GPR39: variants seen among roughly 807,000 people sequenced by gnomAD.
GPR39 encodes zinc sensing receptor.
In GPR39, 23 loss-of-function variants were observed where a neutral mutation model predicts 18.4. The observed-to-expected ratio is 1.25, with a 90% CI of 0.90 to 1.77. The LOEUF (loss-of-function observed/expected upper bound fraction) is 1.77, where lower values mean the gene tolerates loss of function less well. GPR39 is among the 40% of genes most tolerant of loss of function. The pLI is 0.00. For missense variants in GPR39, 647 were observed against 602.4 expected (o/e 1.07, Z -0.78); for synonymous variants, 280 against 257.9 (o/e 1.09, Z -0.82).
At chr2:132,464,233 T>A (rs1460797988) in intron 1 of GPR39, among the ~76,000 whole-genome samples, 1 of 152,212 alleles carries the variant, frequency 6.6e-6, no homozygotes, top group Non-Finnish European at 1.5e-5. Flanking sequence ...CTGGATTGAT[T>A]TACTTCCCCT....
Position 132,491,651 on chromosome 2 carries a change from G to A in GPR39, c.856+73753G>A, listed in dbSNP as rs1681462973. 2.0e-5 allele frequency among the ~76,000 whole-genome samples: 3 copies of A among 152,002 alleles called. No individual in the cohort carries two copies. The South Asian group carries it at 6.2e-4, about 32-fold the overall frequency. On this transcript the variant is annotated intron_variant, in intron 1 of 1. Transcript: ENST00000329321. ...CAAGATCAGATTTGAGTTTTAGATG[G>A]CACTGTGGGGAAGGGGTTAGGAATG... is the stretch of plus-strand genomic sequence containing the variant.
chr2:132,504,064 C>T (rs1452367846), intron 1 of GPR39, among the ~76,000 whole-genome samples: 1 of 152,178 alleles, frequency 6.6e-6, no homozygotes, highest in Non-Finnish European at 1.5e-5. Context: ...TTTGGCATCT[C>T]AGGGAGCCTG....
At chr2:132,449,868 C>T (rs546777941) in intron 1 of GPR39, among the ~76,000 whole-genome samples, 7 of 152,134 alleles carry the variant, frequency 4.6e-5, no homozygotes, top group Admixed American at 2.0e-4. Context: ...CTTCTCTCCC[C>T]CTTCCTTGCT....
chr2:132,634,556 G>A (rs1681714514), intron 1 of GPR39, among the ~76,000 whole-genome samples: 1 of 152,162 alleles, frequency 6.6e-6, no homozygotes, highest in African/African-American at 2.4e-5. Flanking sequence ...TGGAAATTGA[G>A]GGTTATAATT....
intron 1 of GPR39, among the ~76,000 whole-genome samples, chr2:132,529,389 A>G (rs547733650): frequency 6.6e-5 from 10 of 152,356 alleles, no homozygotes; most frequent in Non-Finnish European, 1.2e-4. Context: ...CCACAGCTCA[A>G]GGAGGCCTGC....
chr2:132,493,219 C>A (rs1418792132), intron 1 of GPR39, among the ~76,000 whole-genome samples: 3 of 140,496 alleles, frequency 2.1e-5, no homozygotes, highest in African/African-American at 5.5e-5. Context: ...TATATGTACA[C>A]CATATATACA....
At position 132,416,878 on chromosome 2, in the gene GPR39, C is replaced by A; in HGVS notation, c.-165C>A. Reference sequence around the variant, plus strand: ...AGGTTGGGCTGCTCCAGCAAGTTTCCATGAAAGCACCTGAAATACTAAGTT... The same window carrying A: ...AGGTTGGGCTGCTCCAGCAAGTTTCAATGAAAGCACCTGAAATACTAAGTT... On this transcript the variant is annotated 5_prime_UTR_variant, in exon 1 of 2. Transcript: ENST00000329321. 1 of 945,296 alleles carries A rather than the reference C, an allele frequency of 1.1e-6. No homozygotes were observed. The allele number at this position is 945,296 out of a possible 1,614,324, so 58.6% of individuals were successfully genotyped here.
At chr2:132,427,102 CAT>C (rs1156290252) in intron 1 of GPR39, among the ~76,000 whole-genome samples, 57 of 104,018 alleles carry the variant, frequency 5.5e-4, no homozygotes, top group African/African-American at 2.0e-3. Context: ...TATATAGGTA[CAT>C]ATATATATAA....
rs974770950 is a variant in GPR39, at chr2:132,644,421, T to C, written c.857-680T>C. Among the ~76,000 whole-genome samples, 69 of 152,192 alleles carry C rather than the reference T, an allele frequency of 4.5e-4. 1 individual carries two copies. The highest frequency in any genetic ancestry group is 7.3e-4 in the Non-Finnish European group (50 of 68,028). ...TTTGCCATCTCTGAATAATTCTTTT[T>C]CCCCACATGAGGGATCTAAAAGTGT... On this transcript the variant is annotated intron_variant, in intron 1 of 1. Coordinates refer to ENST00000329321, the MANE Select transcript of GPR39 (RefSeq NM_001508.3).
chr2:132,434,139 T>A (rs1015673497), intron 1 of GPR39, among the ~76,000 whole-genome samples: 1 of 151,786 alleles, frequency 6.6e-6, no homozygotes, highest in South Asian at 2.1e-4. Context: ...CAGATGAGAG[T>A]GCTCTATTCT....
rs577436929 is a variant in GPR39 at position 132,627,624 on chromosome 2, A to G, written c.857-17477A>G. 2.6e-4 allele frequency among the ~76,000 whole-genome samples: 39 copies of G among 152,326 alleles called. No homozygotes were observed. The South Asian group carries it at 8.1e-3, about 32-fold the overall frequency. ...GCTCCTTAGAGTTGCATGCTAGCAA[A>G]TAAAGGGGCCTAGCTCATAAACAAG... is the stretch of plus-strand genomic sequence containing the variant. On this transcript the variant is annotated intron_variant, in intron 1 of 1. Coordinates refer to ENST00000329321, the MANE Select transcript of GPR39 (RefSeq NM_001508.3).
intron 1 of GPR39, among the ~76,000 whole-genome samples, chr2:132,463,126 G>A (rs775842056): frequency 1.4e-4 from 22 of 152,208 alleles, no homozygotes; most frequent in Admixed American, 6.5e-5. Context: ...CAATGAAACT[G>A]ACAAGCACCT....
intron 1 of GPR39, among the ~76,000 whole-genome samples, chr2:132,468,928 A>G (rs1680980039): frequency 6.6e-6 from 1 of 152,206 alleles, no homozygotes; most frequent in Non-Finnish European, 1.5e-5. Context: ...CAGGAAGCTA[A>G]TGATTTTTCC....
chr2:132,582,915 CTTTTTTTTTTTTTT>C lies in GPR39; in HGVS notation c.857-62177_857-62164del, dbSNP rs5834320. Among the ~76,000 whole-genome samples, 3 of 101,600 alleles carry C rather than the reference CTTTTTTTTTTTTTT, an allele frequency of 3.0e-5. No homozygotes were observed. The South Asian group carries it at 1.0e-3, about 35-fold the overall frequency. 66.7% of individuals were successfully genotyped at this position (101,600 alleles called of 152,430 possible). A position where few individuals can be genotyped will look rare whatever the true frequency, so the allele number is the denominator to read the frequency against. On this transcript the variant is annotated intron_variant, in intron 1 of 1. Coordinates refer to ENST00000329321, the MANE Select transcript of GPR39 (RefSeq NM_001508.3). The stretch of plus-strand genomic sequence containing the variant: ...TAGAGAGAATTAGATTTCTTTCTTT[CTTTTTTTTTTTTTT>C]TTTTTTTTGGAGATAGGGTTTTGCT...
chr2:132,626,967 G>A, intron 1 of GPR39, among the ~76,000 whole-genome samples: 1 of 152,324 alleles, frequency 6.6e-6, no homozygotes, highest in Non-Finnish European at 1.5e-5. Flanking sequence ...ACAATGTTAT[G>A]TCTTTGCCTT....
At chr2:132,445,981 A>C (rs1335205126) in intron 1 of GPR39, among the ~76,000 whole-genome samples, 3 of 152,192 alleles carry the variant, frequency 2.0e-5, no homozygotes, top group Non-Finnish European at 4.4e-5. Flanking sequence ...CGCAGGAGAA[A>C]TGGCAAGCCA....
intron 1 of GPR39, among the ~76,000 whole-genome samples, chr2:132,547,528 T>C (rs1363399956): frequency 6.6e-6 from 1 of 152,236 alleles, no homozygotes; most frequent in African/African-American, 2.4e-5. Flanking sequence ...TTTTCTTTAA[T>C]CTTTCGGCTG....
At chr2:132,509,441 C>G (rs972535360) in intron 1 of GPR39, among the ~76,000 whole-genome samples, 2 of 53,314 alleles carry the variant, frequency 3.8e-5, no homozygotes, top group African/African-American at 1.1e-4. Context: ...TATACACACT[C>G]ACACACACAG....
intron 1 of GPR39, among the ~76,000 whole-genome samples, chr2:132,557,362 C>G (rs867240054): frequency 6.6e-6 from 1 of 152,064 alleles, no homozygotes; most frequent in Non-Finnish European, 1.5e-5. Flanking sequence ...TTAGTGTGTT[C>G]CCTCACAGCG....
Sources: gnomAD v4.1 joint callset for allele counts (sites outside exome capture counted in the v4.1 genomes callset) on GRCh38, gnomAD v4.1.1 for gene constraint, MANE v1.5 for transcripts, NCBI Gene and HGNC (gene_info 2026-07-23, HGNC 2026-07-21) for gene names.